DST: variants seen among roughly 807,000 people sequenced by gnomAD.
DST encodes the protein bullous pemphigoid antigen.
In DST, 253 loss-of-function variants were observed where a neutral mutation model predicts 875.2. The observed-to-expected ratio is 0.29, with a 90% CI of 0.26 to 0.32. The LOEUF is 0.32. Ranked by LOEUF, DST falls within the 10% of genes least tolerant of loss-of-function variation. The pLI is 1.00. For missense variants in DST, 8,287 were observed against 9,111.6 expected (o/e 0.91, Z 3.68); for synonymous variants, 3,124 against 3,197.1 (o/e 0.98, Z 0.77).
intron 23 of DST, among the ~76,000 whole-genome samples, chr6:56,636,213 G>A (rs191021181): frequency 9.0e-4 from 135 of 149,484 alleles, no homozygotes; most frequent in African/African-American, 3.2e-3. Context: ...CAACTCTTTC[G>A]GCCTACAAAG....
At chr6:56,861,966 C>T (rs1771411825) in intron 3 of DST, 1 of 152,168 alleles carries the variant, frequency 6.6e-6, no homozygotes, top group Admixed American at 6.5e-5. Flanking sequence ...AGTGTACAGA[C>T]TGAGATTCAA....
chr6:56,883,869 A>G (rs948284947), intron 3 of DST, among the ~76,000 whole-genome samples: 1 of 152,134 alleles, frequency 6.6e-6, no homozygotes, highest in Admixed American at 6.5e-5. Context: ...TATTTTTAAT[A>G]AAATAAAAAT....
chr6:56,611,530 A>T lies in DST; in HGVS notation c.5125T>A (p.Phe1709Ile), dbSNP rs1327426314. 2.5e-6 allele frequency: 4 copies of T among 1,612,694 alleles called. No homozygotes were observed. Among genetic ancestry groups the T allele is most frequent in the Non-Finnish European group, 3.4e-6 (4 of 1,179,298 alleles). ...TACTTGTCTCCATGTTTTGCCAAAA[A>T]AAGCTGTATAGTTTGAAGTGCTTCC... ...LSEALQTIQLFLAKHGDKMTD... is the reference protein window; with the variant it reads ...LSEALQTIQLILAKHGDKMTD... The change falls in exon 38 of 104, where the codon TTT becomes ATT. Residue 1709 changes from phenylalanine to isoleucine, a missense_variant. This residue lies in a region of DST where 3,138 missense variants were observed against 3,116.6 expected (regional missense o/e 1.01). Transcript: ENST00000680361.
intron 22 of DST, among the ~76,000 whole-genome samples, chr6:56,637,754 A>G (rs1297751656): frequency 6.6e-6 from 1 of 151,838 alleles, no homozygotes. Flanking sequence ...CAATTCATTG[A>G]TTTCCAGAAG....
At chr6:56,732,466 T>G (rs1266001392) in intron 5 of DST, among the ~76,000 whole-genome samples, 1 of 152,210 alleles carries the variant, frequency 6.6e-6, no homozygotes, top group Non-Finnish European at 1.5e-5. Context: ...TAATTTTGAC[T>G]TTTTTCCTTT....
intron 61 of DST, 34 bp from the exon 62 acceptor site, chr6:56,536,974 T>C (rs749683029): frequency 4.4e-6 from 7 of 1,594,280 alleles, no homozygotes; most frequent in South Asian, 1.1e-5. Context: ...ATATGAGTTA[T>C]ATTACCTATC....
At chr6:56,592,689 G>C (rs886238867) in intron 48 of DST, among the ~76,000 whole-genome samples, 1 of 152,132 alleles carries the variant, frequency 6.6e-6, no homozygotes, top group Non-Finnish European at 1.5e-5. Flanking sequence ...TATAGATATC[G>C]ATTTGATGGA....
At chr6:56,570,068 T>A (rs950703575) in intron 53 of DST, 56 bp from the exon 54 acceptor site, 19 of 1,244,580 alleles carry the variant, frequency 1.5e-5, no homozygotes, top group African/African-American at 4.6e-5. Context: ...ATAAATAAAT[T>A]ATTATTCTCA....
At chr6:56,477,292 CCCT>C in intron 91 of DST, 50 bp downstream of exon 91, 1 of 1,561,470 alleles carries the variant, frequency 6.4e-7, no homozygotes. Context: ...TTTCCCACAC[CCCT>C]CAACTCTCAA....
At chr6:56,534,090 A>G (rs1166713171) in intron 63 of DST, among the ~76,000 whole-genome samples, 1 of 152,132 alleles carries the variant, frequency 6.6e-6, no homozygotes, top group East Asian at 1.9e-4. Flanking sequence ...TTTAAAATCT[A>G]TTCTTTTAGC....
At chr6:56,747,926 T>G (rs1033807622) in intron 4 of DST, among the ~76,000 whole-genome samples, 1 of 152,150 alleles carries the variant, frequency 6.6e-6, no homozygotes, top group African/African-American at 2.4e-5. Context: ...AAAATCAAAT[T>G]CATACAAGAT....
At chr6:56,797,504 G>T (rs1264720280) in intron 4 of DST, among the ~76,000 whole-genome samples, 1 of 152,206 alleles carries the variant, frequency 6.6e-6, no homozygotes, top group Admixed American at 6.5e-5. Flanking sequence ...TAGCCAAGTT[G>T]TAAATTCAAA....
chr6:56,934,555 TTATATTATA>T (rs1247589095), intron 2 of DST, among the ~76,000 whole-genome samples: 1 of 95,214 alleles, frequency 1.1e-5, no homozygotes, highest in African/African-American at 4.7e-5. Flanking sequence ...ATATTATATA[TTATATTATA>T]TATATATATA....
At position 56,506,692 on chromosome 6, in the gene DST, G is replaced by T; in HGVS notation, c.19337C>A (p.Pro6446His). The change falls in exon 76 of 104, where the codon CCC (proline) becomes CAC (histidine). Residue 6446 changes from proline (P) to histidine (H), a missense_variant. By Grantham distance (77) the Pro-to-His change is moderately conservative. Around this residue, in one of 10 missense-constraint regions of DST, gnomAD observed 1,292 missense variants for 1,552.7 expected, o/e 0.83. Coordinates refer to ENST00000680361, the MANE Select transcript of DST (RefSeq NM_001374736.1). ...LIAACGEPDK[P>H]IVKKSIDELN... is the part of the protein sequence containing the mutation. ...CTCATCTATACTCTTCTTGACAATGGGTTTATCAGGCTCCCCACATGCCGC... is the reference window on the plus strand; with the variant it reads ...CTCATCTATACTCTTCTTGACAATGTGTTTATCAGGCTCCCCACATGCCGC... 1 of 1,613,492 alleles carries T rather than the reference G, an allele frequency of 6.2e-7. No homozygotes were observed. The highest frequency in any genetic ancestry group is 8.5e-7 in the Non-Finnish European group (1 of 1,179,662).
chr6:56,808,254 A>T (rs1289373762), intron 4 of DST, among the ~76,000 whole-genome samples: 1 of 144,820 alleles, frequency 6.9e-6, no homozygotes, highest in Admixed American at 7.0e-5. Context: ...TACTTTGTTT[A>T]AAAAAAAAAA....
rs144958678 is a variant in DST, at chr6:56,878,848, C to T, written c.417+21573G>A. On this transcript the variant is annotated intron_variant, in intron 3 of 103. Transcript: ENST00000680361. ...GCTGAGAGAAGGCAAAAAATATTAACGTTGAATATGAAGTTGTAATAATTC... is the reference window on the plus strand; with the variant it reads ...GCTGAGAGAAGGCAAAAAATATTAATGTTGAATATGAAGTTGTAATAATTC... Among the ~76,000 whole-genome samples, 3 of 152,194 alleles carry T rather than the reference C, an allele frequency of 2.0e-5. No individual in the cohort carries two copies. In the East Asian group the frequency reaches 5.8e-4, roughly 29 times the overall value.
chr6:56,798,381 CA>C (rs67011401), intron 4 of DST, among the ~76,000 whole-genome samples: 24,774 of 152,050 alleles, frequency 0.16, 2,234 homozygotes, highest in Non-Finnish European at 0.19. Flanking sequence ...AAGAATTACG[CA>C]AAACTACTCT....
chr6:56,954,417 T>C lies in DST; in HGVS notation c.171A>G (p.Ser57=). The part of the protein sequence containing the change: ...HPMKSVFSGR[S]RSRDAVLRSH... ...CGCGGCGTGTCTTACCTCGGCTTCT[T>C]GAACGACCCGAGAAGACCGATTTCA... Residue 57 remains serine, a synonymous_variant, in exon 1 of 104, where the codon TCA becomes TCG. Coordinates refer to ENST00000680361, the MANE Select transcript of DST (RefSeq NM_001374736.1). 1.5e-6 allele frequency: 2 copies of C among 1,366,982 alleles called. No homozygotes were observed. Among genetic ancestry groups the C allele is most frequent in the Non-Finnish European group, 2.0e-6 (2 of 1,021,618 alleles). The allele number at this position is 1,366,982 out of a possible 1,614,324, so 84.7% of individuals were successfully genotyped here.
intron 2 of DST, among the ~76,000 whole-genome samples, chr6:56,914,129 C>T (rs1799863574): frequency 6.6e-6 from 1 of 151,922 alleles, no homozygotes; most frequent in Admixed American, 6.6e-5. Context: ...ATGTTTTGTA[C>T]CAAAATGAAC....
Sources: gnomAD v4.1 joint callset for allele counts (sites outside exome capture counted in the v4.1 genomes callset) on GRCh38, gnomAD v4.1.1 for gene constraint, gnomAD v4.1.1 regional missense constraint, MANE v1.5 for transcripts, NCBI Gene and HGNC (gene_info 2026-07-23, HGNC 2026-07-21) for gene names.